Variants in GLIS3 observed in about 807,000 individuals in gnomAD.
The protein encoded by GLIS3 is GLIS family zinc finger 3.
A neutral mutation model predicts 78.6 loss-of-function variants in GLIS3; 53 were observed. That is an observed-to-expected ratio of 0.67 (90% CI 0.54 to 0.85). The LOEUF is 0.85. Ranked by LOEUF, GLIS3 falls within the 40% of genes least tolerant of loss-of-function variation. The probability of loss-of-function intolerance (pLI) is 0.00; values close to 1 mark genes in which losing one functional copy is unlikely to be tolerated. For synonymous variants in GLIS3, 684 were observed against 509.9 expected, an observed-to-expected ratio of 1.34 and a Z score of -4.60; for missense variants, 1,703 against 1,231.1, an observed-to-expected ratio of 1.38 and a Z score of -5.74.
rs149510958 is a variant in GLIS3, at chr9:4,037,262, T to C, written c.1710+80506A>G. Among the ~76,000 whole-genome samples, 1,268 of 152,264 alleles carry C rather than the reference T, an allele frequency of 8.3e-3. 14 individuals carry two copies. The highest frequency in any genetic ancestry group is 0.021 in the Middle Eastern group (6 of 292). On this transcript the variant is annotated intron_variant, in intron 4 of 10. Coordinates refer to ENST00000381971, the MANE Select transcript of GLIS3 (RefSeq NM_001042413.2). ...AGCACAGGAGCCTAGCACGGATACC[T>C]AAACTAAAGCTTAGGACTTGCATTC...
chr9:4,188,701 A>T (rs904611990), intron 2 of GLIS3, among the ~76,000 whole-genome samples: 7 of 152,132 alleles, frequency 4.6e-5, no homozygotes, highest in African/African-American at 1.7e-4. Flanking sequence ...TCAGAGATTC[A>T]ACTTCTTCCT....
At chr9:3,881,854 T>C (rs559894192) in intron 7 of GLIS3, among the ~76,000 whole-genome samples, 71 of 152,326 alleles carry the variant, frequency 4.7e-4, no homozygotes, top group African/African-American at 1.4e-3. Flanking sequence ...GTATAAATCA[T>C]TGGACAGTGT....
intron 2 of GLIS3, among the ~76,000 whole-genome samples, chr9:4,247,026 GAAC>G (rs1230796630): frequency 2.6e-5 from 4 of 152,126 alleles, no homozygotes; most frequent in African/African-American, 9.7e-5. Context: ...TTTTTCACTA[GAAC>G]AACTGAGTTT....
At chr9:4,420,502 C>T in the GLIS3 span, among the ~76,000 whole-genome samples, 2 of 152,152 alleles carry the variant, frequency 1.3e-5, no homozygotes, top group South Asian at 2.1e-4. Context: ...CTTAGTATCA[C>T]GTTAAGCAAG....
At chr9:4,222,884 G>A (rs961153496) in intron 2 of GLIS3, among the ~76,000 whole-genome samples, 2 of 152,132 alleles carry the variant, frequency 1.3e-5, no homozygotes, top group Non-Finnish European at 2.9e-5. Flanking sequence ...GCTCATTCAC[G>A]AAGCTGCACT....
At chr9:3,925,799 G>GT (rs1289504943) in intron 6 of GLIS3, among the ~76,000 whole-genome samples, 1 of 152,200 alleles carries the variant, frequency 6.6e-6, no homozygotes, top group East Asian at 1.9e-4. Flanking sequence ...TGTTAAAAGT[G>GT]TTTGAGATCT....
At chr9:3,952,095 GA>G (rs33929698) in intron 4 of GLIS3, among the ~76,000 whole-genome samples, 48,014 of 150,398 alleles carry the variant, frequency 0.32, 10,085 homozygotes, top group African/African-American at 0.61. Flanking sequence ...GGCAGATCTG[GA>G]AAAAAAAATG....
chr9:3,880,293 T>A (rs1821641170), intron 7 of GLIS3, among the ~76,000 whole-genome samples: 1 of 152,230 alleles, frequency 6.6e-6, no homozygotes, highest in Non-Finnish European at 1.5e-5. Context: ...CCCATTCGTA[T>A]GGGCAGCCTA....
chr9:4,176,489 T>C (rs774730571), intron 2 of GLIS3, among the ~76,000 whole-genome samples: 1 of 152,190 alleles, frequency 6.6e-6, no homozygotes, highest in Non-Finnish European at 1.5e-5. Context: ...ATTTTAATAT[T>C]TTACCATTCA....
intron 2 of GLIS3, among the ~76,000 whole-genome samples, chr9:4,187,871 G>C (rs1817956574): frequency 6.6e-6 from 1 of 152,030 alleles, no homozygotes; most frequent in Non-Finnish European, 1.5e-5. Flanking sequence ...TGCTGAAGTT[G>C]CTTATCAGCT....
At chr9:4,152,859 T>G (rs528286773) in intron 2 of GLIS3, among the ~76,000 whole-genome samples, 105 of 152,336 alleles carry the variant, frequency 6.9e-4, no homozygotes, top group African/African-American at 1.9e-3. Flanking sequence ...TCTGAAGACC[T>G]AAATAAACAT....
chr9:4,313,717 C>G (rs562818919), intron 2 of GLIS3, among the ~76,000 whole-genome samples: 2 of 152,316 alleles, frequency 1.3e-5, no homozygotes, highest in East Asian at 3.9e-4. Flanking sequence ...CCTTCCTGGA[C>G]CAGTCTCCCA....
At chr9:4,257,521 T>G (rs1317378592) in intron 2 of GLIS3, among the ~76,000 whole-genome samples, 1 of 152,170 alleles carries the variant, frequency 6.6e-6, no homozygotes, top group Non-Finnish European at 1.5e-5. Context: ...GGTAACTATA[T>G]AAGATGATAG....
At chr9:4,311,191 T>C (rs1189612260) in intron 2 of GLIS3, among the ~76,000 whole-genome samples, 1 of 152,174 alleles carries the variant, frequency 6.6e-6, no homozygotes, top group Non-Finnish European at 1.5e-5. Flanking sequence ...GGCGGATCAC[T>C]TGAGCCCCGG....
At chr9:4,260,421 G>C (rs1363454466) in intron 2 of GLIS3, among the ~76,000 whole-genome samples, 1 of 152,058 alleles carries the variant, frequency 6.6e-6, no homozygotes, top group Non-Finnish European at 1.5e-5. Context: ...ACAAGAATTA[G>C]CTTGGCGTGG....
chr9:4,285,968 T>C (rs749861780), intron 2 of GLIS3, 70 bp downstream of exon 2: 13 of 1,564,922 alleles, frequency 8.3e-6, no homozygotes, highest in Non-Finnish European at 1.1e-5. Flanking sequence ...TAGGATTTGC[T>C]GGCAGAAAAT....
chr9:4,467,733 C>A, the GLIS3 span, among the ~76,000 whole-genome samples: 1 of 152,246 alleles, frequency 6.6e-6, no homozygotes, highest in Non-Finnish European at 1.5e-5. Context: ...CTCTTCACCC[C>A]CAAAGGAAGA....
intron 2 of GLIS3, among the ~76,000 whole-genome samples, chr9:4,318,423 G>C (rs1021170195): frequency 5.9e-5 from 9 of 152,132 alleles, no homozygotes; most frequent in African/African-American, 2.2e-4. Flanking sequence ...TCCAGGACTA[G>C]GGCAGGGAAA....
the GLIS3 span, among the ~76,000 whole-genome samples, chr9:4,410,429 T>C: frequency 6.6e-6 from 1 of 152,164 alleles, no homozygotes; most frequent in Non-Finnish European, 1.5e-5. Context: ...AAAAAATAAA[T>C]TATGAAAGTA....
Sources: gnomAD v4.1 joint callset for allele counts (sites outside exome capture counted in the v4.1 genomes callset) on GRCh38, gnomAD v4.1.1 for gene constraint, MANE v1.5 for transcripts, NCBI Gene and HGNC (gene_info 2026-07-23, HGNC 2026-07-21) for gene names.